The following PECAM1 variants were observed in gnomAD, a reference collection of about 807,000 sequenced individuals.
PECAM1 encodes platelet and endothelial cell adhesion molecule 1, also known as platelet endothelial cell adhesion molecule.
PECAM1 carries 8 observed loss-of-function variants against 13.8 expected under a neutral mutation model. The ratio of observed to expected loss-of-function variants is 0.58; its 90% CI spans 0.34 to 1.05. The LOEUF is 1.05. PECAM1 is among the 50% of genes least tolerant of loss of function. PECAM1 has a pLI of 0.03. For missense variants in PECAM1, 304 were observed against 141.2 expected, an observed-to-expected ratio of 2.15 and a Z score of -5.84; for synonymous variants, 136 against 52.6, an observed-to-expected ratio of 2.58 and a Z score of -6.86.
intron 15 of PECAM1, among the ~76,000 whole-genome samples, chr17:64,329,200 A>T (rs562509149): frequency 1.4e-4 from 21 of 152,236 alleles, no homozygotes; most frequent in African/African-American, 5.1e-4. Flanking sequence ...CTGTGTTCCC[A>T]TAGGCTCTGG....
chr17:64,329,720 C>A lies in PECAM1; in HGVS notation c.2167G>T (p.Ala723Ser). ...CTTACAGAGTATCTGCTTTCCACGG[C>A]ATCTACAAAACAAAGGATGACATGG... ...YSEVRKAVPD[A>S]VESRYSRTEG... Residue 723 changes from alanine to serine, a missense_variant and splice_region_variant, in exon 15 of 16, where the codon GCC (alanine) becomes TCC (serine). Ala to Ser is a moderately conservative substitution (Grantham distance 99). Transcript: ENST00000563924. 1.3e-6 allele frequency: 1 copy of A among 769,384 alleles called. No homozygotes were observed. Among genetic ancestry groups the A allele is most frequent in the East Asian group, 2.4e-5 (1 of 40,842 alleles). 47.7% of individuals were successfully genotyped at this position (769,384 alleles called of 1,614,324 possible).
chr17:64,388,297 G>T (rs1229474790), intron 2 of PECAM1, among the ~76,000 whole-genome samples: 2 of 152,146 alleles, frequency 1.3e-5, no homozygotes, highest in Non-Finnish European at 2.9e-5. Flanking sequence ...CCCAAAGGGT[G>T]TGGTCTGGGA....
At chr17:64,372,764 A>G (rs2036269855) in intron 4 of PECAM1, among the ~76,000 whole-genome samples, 1 of 151,526 alleles carries the variant, frequency 6.6e-6, no homozygotes, top group Admixed American at 6.6e-5. Context: ...CAGCCTCCCA[A>G]AGTGCTGGGA....
At chr17:64,382,595 T>C (rs2036504420) in intron 2 of PECAM1, among the ~76,000 whole-genome samples, 1 of 152,162 alleles carries the variant, frequency 6.6e-6, no homozygotes, top group East Asian at 1.9e-4. Context: ...GTCCAGGCTA[T>C]TCTTAAACGC....
intron 2 of PECAM1, among the ~76,000 whole-genome samples, chr17:64,380,815 C>T (rs56680565): frequency 0.093 from 14,192 of 152,000 alleles, 2,236 homozygotes; most frequent in African/African-American, 0.33. Flanking sequence ...GGTGAAACCC[C>T]GTCTCTACCA....
chr17:64,390,276 G>A (rs1019577809), intron 2 of PECAM1: 117 of 397,296 alleles, frequency 2.9e-4, no homozygotes, highest in Middle Eastern at 1.3e-3. Flanking sequence ...GGAAACGTGT[G>A]CTACTTCTAA....
intron 8 of PECAM1, among the ~76,000 whole-genome samples, chr17:64,355,661 T>C (rs909107452): frequency 6.6e-6 from 1 of 152,200 alleles, no homozygotes; most frequent in Non-Finnish European, 1.5e-5. Context: ...GGTTTCACCA[T>C]GTTGCCCAGG....
In PECAM1 at chr17:64,323,528, TG is replaced by T. The variant is rs1274651779; in HGVS notation, c.*287del. 1.4e-6 allele frequency: 2 copies of T among 1,380,318 alleles called. No individual in the cohort carries two copies. The highest frequency in any genetic ancestry group is 2.9e-5 in the African/African-American group (2 of 68,582). 85.5% of individuals were successfully genotyped at this position (1,380,318 alleles called of 1,614,324 possible). ...ATATTCAAGTTTCAGAATATCCCAA[TG>T]GCCTTGCCCTGGATCTCCTCTTGTG... On this transcript the variant is annotated 3_prime_UTR_variant, in exon 16 of 16. Transcript: ENST00000563924.
At chr17:64,374,550 A>C (rs1018356398) in intron 4 of PECAM1, among the ~76,000 whole-genome samples, 2 of 149,278 alleles carry the variant, frequency 1.3e-5, no homozygotes, top group African/African-American at 4.9e-5. Flanking sequence ...ATGGGAGGCC[A>C]AGGCGGGTGG....
At chr17:64,376,481 T>C (rs918134609) in intron 3 of PECAM1, among the ~76,000 whole-genome samples, 1 of 152,220 alleles carries the variant, frequency 6.6e-6, no homozygotes, top group South Asian at 2.1e-4. Context: ...TCACTGTGAT[T>C]GTTGTTACCC....
At chr17:64,351,718 A>C (rs1037729217) in intron 11 of PECAM1, among the ~76,000 whole-genome samples, 2 of 152,204 alleles carry the variant, frequency 1.3e-5, no homozygotes, top group African/African-American at 4.8e-5. Context: ...AAAAAAAGAA[A>C]GAAAGAAAAG....
Position 64,323,641 on chromosome 17 carries a change from A to G in PECAM1, c.*175T>C, listed in dbSNP as rs2034861773. The G allele has an allele frequency of 6.8e-7, 1 of 1,470,784 alleles. No homozygotes were observed. Among genetic ancestry groups the G allele is most frequent in the African/African-American group, 1.4e-5 (1 of 71,114 alleles). The allele number at this position is 1,470,784 out of a possible 1,614,324, so 91.1% of individuals were successfully genotyped here. A position where few individuals can be genotyped will look rare whatever the true frequency, so the allele number is the denominator to read the frequency against. On this transcript the variant is annotated 3_prime_UTR_variant, in exon 16 of 16. Transcript: ENST00000563924. ...GCCCCTCTGTATCTCTTTCTACCCA[A>G]CATTAACTTAGCAGGATGGATTTAA...
At chr17:64,387,627 G>C (rs2036626220) in intron 2 of PECAM1, among the ~76,000 whole-genome samples, 1 of 152,194 alleles carries the variant, frequency 6.6e-6, no homozygotes, top group African/African-American at 2.4e-5. Flanking sequence ...CATCAGCTGA[G>C]GAGCAGGGTG....
At chr17:64,382,721 A>ATT (rs1325119194) in intron 2 of PECAM1, among the ~76,000 whole-genome samples, 46 of 143,700 alleles carry the variant, frequency 3.2e-4, no homozygotes, top group African/African-American at 5.8e-4. Flanking sequence ...GTTTCTAGGG[A>ATT]TTTTTTTTTT....
intron 6 of PECAM1, among the ~76,000 whole-genome samples, chr17:64,362,874 T>C (rs2036018807): frequency 6.6e-6 from 1 of 151,246 alleles, no homozygotes; most frequent in South Asian, 2.1e-4. Flanking sequence ...ATTGACTAAG[T>C]AGTGTTTCCT....
At chr17:64,349,092 G>A (rs1438621702) in intron 12 of PECAM1, among the ~76,000 whole-genome samples, 4 of 152,178 alleles carry the variant, frequency 2.6e-5, no homozygotes, top group Admixed American at 6.5e-5. Flanking sequence ...AGAGGATTTC[G>A]GGAAATGGGG....
At chr17:64,379,456 T>C (rs2036434878) in intron 2 of PECAM1, among the ~76,000 whole-genome samples, 1 of 152,196 alleles carries the variant, frequency 6.6e-6, no homozygotes, top group Non-Finnish European at 1.5e-5. Flanking sequence ...TCCTGAACCA[T>C]GCCCATGGGT....
At chr17:64,360,702 T>A (rs1348119632) in intron 6 of PECAM1, among the ~76,000 whole-genome samples, 2 of 150,258 alleles carry the variant, frequency 1.3e-5, no homozygotes, top group African/African-American at 2.4e-5. Context: ...TCCCCAGAAA[T>A]ACATGTTCAT....
chr17:64,358,235 C>T (rs1161133463), intron 7 of PECAM1, among the ~76,000 whole-genome samples: 1 of 150,960 alleles, frequency 6.6e-6, no homozygotes. Context: ...TCTCCCACCT[C>T]AGCCACCTGA....
Sources: gnomAD v4.1 joint callset for allele counts (sites outside exome capture counted in the v4.1 genomes callset) on GRCh38, gnomAD v4.1.1 for gene constraint, MANE v1.5 for transcripts, NCBI Gene and HGNC (gene_info 2026-07-23, HGNC 2026-07-21) for gene names.